ALKBH8: variants seen among roughly 807,000 people sequenced by gnomAD.
The protein encoded by ALKBH8 is alkB homolog 8, tRNA methyltransferase.
Under a neutral mutation model 59.8 loss-of-function variants are expected in ALKBH8, and 36 were observed. The ratio of observed to expected loss-of-function variants is 0.60; its 90% CI spans 0.46 to 0.79. The LOEUF is 0.79. Among genes scored for constraint, ALKBH8 ranks in the 30% least tolerant of loss-of-function variants. The probability of loss-of-function intolerance (pLI) is 0.00; values close to 1 mark genes in which losing one functional copy is unlikely to be tolerated. For synonymous variants in ALKBH8, 276 were observed against 273.6 expected (o/e 1.01, Z -0.09); for missense variants, 768 against 801.0 (o/e 0.96, Z 0.50).
intron 10 of ALKBH8, among the ~76,000 whole-genome samples, chr11:107,516,519 A>G (rs1039721841): frequency 1.3e-5 from 2 of 152,204 alleles, no homozygotes; most frequent in Non-Finnish European, 2.9e-5. Flanking sequence ...AAAACATACA[A>G]GAAAAGCTCC....
chr11:107,539,428 C>G (rs1001258852), intron 7 of ALKBH8, among the ~76,000 whole-genome samples: 1 of 151,986 alleles, frequency 6.6e-6, no homozygotes, highest in Non-Finnish European at 1.5e-5. Flanking sequence ...GGTGAAACCC[C>G]GTTTCTACTA....
At chr11:107,523,038 C>T (rs1398526787) in intron 9 of ALKBH8, among the ~76,000 whole-genome samples, 1 of 106,084 alleles carries the variant, frequency 9.4e-6, no homozygotes. Context: ...TAAAACCCTT[C>T]TCTGCCTTGC....
intron 9 of ALKBH8, among the ~76,000 whole-genome samples, chr11:107,523,881 T>C (rs940506116): frequency 6.6e-6 from 1 of 150,604 alleles, no homozygotes. Flanking sequence ...GGATTACAGG[T>C]GTGAGCCACC....
intron 7 of ALKBH8, among the ~76,000 whole-genome samples, chr11:107,543,037 T>C (rs1386826553): frequency 6.6e-6 from 1 of 152,212 alleles, no homozygotes; most frequent in East Asian, 1.9e-4. Context: ...GGTGAATCGC[T>C]GAAAACAAAG....
In ALKBH8 at chr11:107,560,903, T is replaced by TAA. The variant is rs200942712; in HGVS notation, c.-6-6_-6-5dup. 4 of 1,551,512 alleles carry TAA rather than the reference T, an allele frequency of 2.6e-6. No individual in the cohort carries two copies. The highest frequency in any genetic ancestry group is 1.8e-5 in the Admixed American group (1 of 55,990). On this transcript the variant is annotated splice_region_variant and splice_polypyrimidine_tract_variant and intron_variant, in intron 1 of 11. Coordinates refer to ENST00000428149, the MANE Select transcript of ALKBH8 (RefSeq NM_138775.3). ...GATGGTTGCTGTCCATAGCAAACTG[T>TAA]AAAAAAACAAGACAGTAAAAAAGTC...
At chr11:107,516,922 G>A (rs1286758888) in intron 10 of ALKBH8, among the ~76,000 whole-genome samples, 1 of 152,064 alleles carries the variant, frequency 6.6e-6, no homozygotes, top group African/African-American at 2.4e-5. Context: ...GCTACTAGAG[G>A]CTGAGGTGGG....
chr11:107,524,727 A>G (rs1863279747), intron 9 of ALKBH8, among the ~76,000 whole-genome samples: 1 of 152,208 alleles, frequency 6.6e-6, no homozygotes, highest in Non-Finnish European at 1.5e-5. Context: ...AGATATAGTA[A>G]GAGTTTTTAA....
intron 5 of ALKBH8, among the ~76,000 whole-genome samples, chr11:107,552,576 A>G (rs950575145): frequency 6.6e-6 from 1 of 152,216 alleles, no homozygotes; most frequent in Non-Finnish European, 1.5e-5. Flanking sequence ...ATAAATTTAA[A>G]AGCTTTACAA....
intron 7 of ALKBH8, among the ~76,000 whole-genome samples, chr11:107,539,457 G>A (rs1005928257): frequency 3.3e-5 from 5 of 152,122 alleles, no homozygotes; most frequent in South Asian, 4.2e-4. Context: ...AAAAATGGCC[G>A]GCATGGTGGT....
chr11:107,546,078 A>G (rs1192067085), intron 7 of ALKBH8, among the ~76,000 whole-genome samples: 1 of 152,236 alleles, frequency 6.6e-6, no homozygotes, highest in Admixed American at 6.5e-5. Context: ...AAATTAGTAC[A>G]TAGTTGTAAT....
At position 107,525,434 on chromosome 11, in the gene ALKBH8, T is replaced by C. The variant is rs1188875120; in HGVS notation, c.1030+7A>G. On this transcript the variant is annotated splice_region_variant and intron_variant, in intron 9 of 11. Transcript: ENST00000428149. ...ATTTTACAGACGAGATAAGAGTATA[T>C]ACTTACTACAGTTACAAGGTGTTTG... The C allele has an allele frequency of 3.2e-6, 5 of 1,543,202 alleles. No individual in the cohort carries two copies. The highest frequency in any genetic ancestry group is 1.7e-4 in the Middle Eastern group (1 of 5,966).
intron 10 of ALKBH8, among the ~76,000 whole-genome samples, chr11:107,516,076 C>T (rs1454292129): frequency 6.6e-6 from 1 of 152,190 alleles, no homozygotes; most frequent in Non-Finnish European, 1.5e-5. Flanking sequence ...TAGCACTGCA[C>T]TTAAGCCACA....
chr11:107,534,420 A>G (rs563325002), intron 7 of ALKBH8, among the ~76,000 whole-genome samples: 31 of 152,220 alleles, frequency 2.0e-4, no homozygotes, highest in Non-Finnish European at 4.1e-4. Flanking sequence ...GTTTGGTGAG[A>G]TATCAAAGGC....
intron 7 of ALKBH8, among the ~76,000 whole-genome samples, chr11:107,541,385 C>A (rs1281793353): frequency 1.3e-5 from 2 of 152,128 alleles, no homozygotes; most frequent in African/African-American, 2.4e-5. Flanking sequence ...AAACCCAAGT[C>A]CCCCAACTAG....
At chr11:107,565,504 C>A in intron 1 of ALKBH8, 97 bp downstream of exon 1, 2 of 1,517,462 alleles carry the variant, frequency 1.3e-6, no homozygotes, top group Non-Finnish European at 1.8e-6. Context: ...GGTTCTCAGC[C>A]CTAGCTGGCA....
chr11:107,536,643 G>C (rs1863826540), intron 7 of ALKBH8, among the ~76,000 whole-genome samples: 1 of 152,238 alleles, frequency 6.6e-6, no homozygotes, highest in Non-Finnish European at 1.5e-5. Flanking sequence ...TCACTGCTGA[G>C]GGAACCCTGA....
chr11:107,561,039 C>G (rs1180873979), intron 1 of ALKBH8, 140 bp from the exon 2 acceptor site: 1 of 669,358 alleles, frequency 1.5e-6, no homozygotes, highest in African/African-American at 1.8e-5. Context: ...CTTGTACCAA[C>G]TAAGAGAAGT....
At chr11:107,540,368 C>T (rs1863986587) in intron 7 of ALKBH8, among the ~76,000 whole-genome samples, 1 of 152,198 alleles carries the variant, frequency 6.6e-6, no homozygotes, top group African/African-American at 2.4e-5. Flanking sequence ...TCTTCACCCC[C>T]AAATACAGAT....
chr11:107,509,555 T>C (rs1466289830), intron 11 of ALKBH8, among the ~76,000 whole-genome samples: 26 of 152,092 alleles, frequency 1.7e-4, no homozygotes, highest in Admixed American at 1.6e-3. Context: ...TAGTATCATA[T>C]CCAAGAAATC....
Sources: gnomAD v4.1 joint callset for allele counts (sites outside exome capture counted in the v4.1 genomes callset) on GRCh38, gnomAD v4.1.1 for gene constraint, MANE v1.5 for transcripts, NCBI Gene and HGNC (gene_info 2026-07-23, HGNC 2026-07-21) for gene names.